FGF1: variants seen among roughly 807,000 people sequenced by gnomAD.
FGF1 encodes beta-endothelial cell growth factor.
FGF1 carries 9 observed loss-of-function variants against 13.4 expected under a neutral mutation model. The observed-to-expected ratio is 0.67, with a 90% confidence interval of 0.40 to 1.17. The LOEUF is 1.17. Ranked by LOEUF, FGF1 falls within the 50% of genes most tolerant of loss-of-function variation. The probability of loss-of-function intolerance (pLI) is 0.01; values close to 1 mark genes in which losing one functional copy is unlikely to be tolerated. For missense variants in FGF1, 156 were observed against 192.7 expected (o/e 0.81, Z 1.13); for synonymous variants, 93 against 79.0 (o/e 1.18, Z -0.94).
intron 1 of FGF1, among the ~76,000 whole-genome samples, chr5:142,629,940 C>G (rs1310453783): frequency 4.8e-5 from 7 of 145,648 alleles, no homozygotes; most frequent in Non-Finnish European, 7.5e-5. Context: ...GTTGGCCAGG[C>G]TGGAGTGCAG....
At chr5:142,683,685 G>A (rs1774139366) in intron 1 of FGF1, among the ~76,000 whole-genome samples, 2 of 151,938 alleles carry the variant, frequency 1.3e-5, no homozygotes, top group Admixed American at 1.3e-4. Flanking sequence ...GCCGGGCATG[G>A]TGCCGCACAC....
At chr5:142,600,218 T>C (rs2282792) in intron 3 of FGF1, among the ~76,000 whole-genome samples, 12,346 of 152,024 alleles carry the variant, frequency 0.081, 886 homozygotes, top group African/African-American at 0.18. Flanking sequence ...AAACATTAGC[T>C]GGGCATGGTG....
At chr5:142,603,743 G>A (rs1757077573) in intron 2 of FGF1, among the ~76,000 whole-genome samples, 1 of 152,232 alleles carries the variant, frequency 6.6e-6, no homozygotes, top group South Asian at 2.1e-4. Context: ...GGACCACGTG[G>A]AGAGTTGTAA....
At chr5:142,601,049 C>A (rs1756440976) in intron 2 of FGF1, 1 of 602,856 alleles carries the variant, frequency 1.7e-6, no homozygotes, top group African/African-American at 1.8e-5. Context: ...GCTCACCTAC[C>A]TGTCCACCCT....
chr5:142,621,899 C>A (rs1041597542), intron 1 of FGF1, among the ~76,000 whole-genome samples: 5 of 152,208 alleles, frequency 3.3e-5, no homozygotes, highest in African/African-American at 1.2e-4. Flanking sequence ...AATTTTTCTT[C>A]AAATTTTAGT....
At chr5:142,627,775 A>G (rs1161820823) in intron 1 of FGF1, among the ~76,000 whole-genome samples, 2 of 152,078 alleles carry the variant, frequency 1.3e-5, no homozygotes, top group African/African-American at 2.4e-5. Context: ...GTTTTTGCAG[A>G]GCCTACACTA....
At chr5:142,617,107 G>A (rs1368302487) in intron 1 of FGF1, among the ~76,000 whole-genome samples, 1 of 152,214 alleles carries the variant, frequency 6.6e-6, no homozygotes, top group African/African-American at 2.4e-5. Context: ...GCTCATGCCT[G>A]CAATCCTAGC....
At chr5:142,621,283 A>C (rs1561581155) in intron 1 of FGF1, 1 of 151,528 alleles carries the variant, frequency 6.6e-6, no homozygotes, top group African/African-American at 2.4e-5. Context: ...GTCCCCCTAC[A>C]CCCTCATACT....
chr5:142,621,620 C>T (rs1283656512), intron 1 of FGF1, among the ~76,000 whole-genome samples: 2 of 152,158 alleles, frequency 1.3e-5, no homozygotes, highest in African/African-American at 2.4e-5. Flanking sequence ...TTCACTGCAG[C>T]GCTGGGTGTA....
At chr5:142,656,306 G>A (rs1205369191) in intron 1 of FGF1, among the ~76,000 whole-genome samples, 1 of 151,836 alleles carries the variant, frequency 6.6e-6, no homozygotes, top group East Asian at 1.9e-4. Flanking sequence ...GTTAATAAGT[G>A]TTACTATGTA....
intron 2 of FGF1, among the ~76,000 whole-genome samples, chr5:142,692,676 C>T (rs140101143): frequency 2.7e-5 from 4 of 149,554 alleles, no homozygotes; most frequent in South Asian, 2.1e-4. Flanking sequence ...CACACACACA[C>T]GCACACACGC....
rs561977203 is a variant in FGF1, at chr5:142,681,321, G to T, written c.-35+4636C>A. Among the ~76,000 whole-genome samples, 3 of 152,262 alleles carry T rather than the reference G, an allele frequency of 2.0e-5. No homozygotes were observed. In the East Asian group the frequency reaches 5.8e-4, roughly 29 times the overall value. Reference sequence around the variant, plus strand: ...CAAATTTAGCTCAACATGACCTCTGGCCTTAGGCTTGAGGATTGTAAGGCC... The same window carrying T: ...CAAATTTAGCTCAACATGACCTCTGTCCTTAGGCTTGAGGATTGTAAGGCC... On this transcript the variant is annotated intron_variant, in intron 1 of 3. Transcript: ENST00000337706.
chr5:142,671,310 G>T (rs1192345498), intron 1 of FGF1, among the ~76,000 whole-genome samples: 1 of 152,094 alleles, frequency 6.6e-6, no homozygotes, highest in Non-Finnish European at 1.5e-5. Flanking sequence ...GTTCTTCTTT[G>T]GTCTGTGTTT....
intron 1 of FGF1, among the ~76,000 whole-genome samples, chr5:142,637,392 T>A (rs933255027): frequency 6.7e-6 from 1 of 149,900 alleles, no homozygotes; most frequent in Non-Finnish European, 1.5e-5. Context: ...CGATCTCAGC[T>A]CACTGCAAGC....
chr5:142,632,707 C>T (rs1051809585), intron 1 of FGF1, among the ~76,000 whole-genome samples: 5 of 152,144 alleles, frequency 3.3e-5, no homozygotes, highest in Non-Finnish European at 7.4e-5. Flanking sequence ...CTTTTATGAT[C>T]TGACTTTACT....
intron 1 of FGF1, among the ~76,000 whole-genome samples, chr5:142,637,148 G>C (rs60633429): frequency 0.015 from 2,233 of 152,010 alleles, 87 homozygotes; most frequent in African/African-American, 0.051. Context: ...CTCTCTGGGA[G>C]AGACAGTGGC....
chr5:142,694,884 T>C (rs1196623431), intron 2 of FGF1, among the ~76,000 whole-genome samples: 1 of 151,924 alleles, frequency 6.6e-6, no homozygotes, highest in African/African-American at 2.4e-5. Context: ...TAGAATCTAA[T>C]AAGAACTTCC....
At chr5:142,656,801 C>CT (rs761045205) in intron 1 of FGF1, among the ~76,000 whole-genome samples, 5 of 152,178 alleles carry the variant, frequency 3.3e-5, no homozygotes, top group Non-Finnish European at 7.3e-5. Flanking sequence ...AATCATATAT[C>CT]TATGTGTAGA....
intron 1 of FGF1, among the ~76,000 whole-genome samples, chr5:142,671,277 T>A (rs1282275978): frequency 6.6e-6 from 1 of 152,242 alleles, no homozygotes; most frequent in Admixed American, 6.5e-5. Flanking sequence ...TAACAAATGA[T>A]GTCCAGTATA....
Sources: gnomAD v4.1 joint callset for allele counts (sites outside exome capture counted in the v4.1 genomes callset) on GRCh38, gnomAD v4.1.1 for gene constraint, MANE v1.5 for transcripts, NCBI Gene and HGNC (gene_info 2026-07-23, HGNC 2026-07-21) for gene names.